ANK3: variants seen among roughly 807,000 people sequenced by gnomAD.
ANK3 encodes ankyrin 3.
Under a neutral mutation model 370.9 loss-of-function variants are expected in ANK3, and 57 were observed. That is an observed-to-expected ratio of 0.15 (90% CI 0.12 to 0.19). ANK3 has a LOEUF of 0.19. Among genes scored for constraint, ANK3 ranks in the 10% least tolerant of loss-of-function variants. The probability of loss-of-function intolerance (pLI) is 1.00; values close to 1 mark genes in which losing one functional copy is unlikely to be tolerated. For synonymous variants in ANK3, 1,929 were observed against 1,946.3 expected (o/e 0.99, Z 0.23); for missense variants, 4,439 against 5,302.1 (o/e 0.84, Z 5.06).
At chr10:60,131,838 T>G (rs1037211469) in intron 25 of ANK3, among the ~76,000 whole-genome samples, 16 of 152,130 alleles carry the variant, frequency 1.1e-4, no homozygotes, top group African/African-American at 3.4e-4. Context: ...GTGGTGGTGG[T>G]TCCAATTTCG....
intron 2 of ANK3, among the ~76,000 whole-genome samples, chr10:60,463,710 CAGG>C (rs1215038324): frequency 2.2e-5 from 3 of 134,470 alleles, no homozygotes; most frequent in East Asian, 2.5e-4. Context: ...AATAATTTTC[CAGG>C]AGATTTTTTT....
At chr10:60,594,549 C>T (rs1378381389) in intron 2 of ANK3, among the ~76,000 whole-genome samples, 1 of 151,942 alleles carries the variant, frequency 6.6e-6, no homozygotes, top group African/African-American at 2.4e-5. Flanking sequence ...TTAATGTTAA[C>T]TTACTATCAT....
intron 28 of ANK3, among the ~76,000 whole-genome samples, chr10:60,090,236 T>C (rs768666834): frequency 3.3e-5 from 5 of 152,030 alleles, no homozygotes; most frequent in Non-Finnish European, 7.4e-5. Flanking sequence ...GAGAATTACT[T>C]GAACCTGGGA....
intron 1 of ANK3, among the ~76,000 whole-genome samples, chr10:60,313,342 T>A (rs2046746728): frequency 6.6e-6 from 1 of 152,140 alleles, no homozygotes; most frequent in Non-Finnish European, 1.5e-5. Flanking sequence ...ATGAGAACCA[T>A]GTGAATGTAA....
intron 30 of ANK3, among the ~76,000 whole-genome samples, chr10:60,085,600 G>A (rs1340973224): frequency 1.4e-5 from 2 of 146,980 alleles, no homozygotes; most frequent in African/African-American, 5.0e-5. Flanking sequence ...GGATAATTAA[G>A]TCTCTTACTC....
intron 8 of ANK3, among the ~76,000 whole-genome samples, chr10:60,224,721 CAG>C (rs2097111035): frequency 6.6e-6 from 1 of 151,760 alleles, no homozygotes. Flanking sequence ...GGAATTCAAG[CAG>C]AGAGAACTCT....
chr10:60,060,106 T>G, intron 40 of ANK3: 2 of 857,786 alleles, frequency 2.3e-6, no homozygotes, highest in Non-Finnish European at 3.4e-6. Flanking sequence ...GAAAAATGTA[T>G]GATGAATTAC....
chr10:60,313,712 G>T (rs944979926), intron 1 of ANK3, among the ~76,000 whole-genome samples: 1 of 152,122 alleles, frequency 6.6e-6, no homozygotes, highest in Non-Finnish European at 1.5e-5. Flanking sequence ...AATATTTACA[G>T]AAATGTTTAG....
chr10:60,392,302 G>A (rs2063127970), upstream of ANK3, among the ~76,000 whole-genome samples: 1 of 152,110 alleles, frequency 6.6e-6, no homozygotes, highest in Non-Finnish European at 1.5e-5. Flanking sequence ...TTTATTCCTT[G>A]ACTAAAGTTT....
At chr10:60,460,047 A>G (rs1164867124) in intron 2 of ANK3, among the ~76,000 whole-genome samples, 1 of 151,522 alleles carries the variant, frequency 6.6e-6, no homozygotes, top group East Asian at 2.0e-4. Context: ...TTTGCCCTCT[A>G]ACATCTGAAA....
intron 2 of ANK3, among the ~76,000 whole-genome samples, chr10:60,496,153 T>C (rs549698186): frequency 6.6e-6 from 1 of 152,190 alleles, no homozygotes; most frequent in Non-Finnish European, 1.5e-5. Context: ...ATGATTTAGA[T>C]GTGGATACTA....
intron 1 of ANK3, among the ~76,000 whole-genome samples, chr10:60,327,951 T>C (rs2050286184): frequency 2.0e-5 from 3 of 152,118 alleles, no homozygotes; most frequent in Admixed American, 2.0e-4. Context: ...TGTGTGTAAA[T>C]GGAAGTTTGG....
intron 1 of ANK3, among the ~76,000 whole-genome samples, chr10:60,320,680 G>T (rs1044118272): frequency 1.9e-4 from 29 of 152,278 alleles, no homozygotes; most frequent in African/African-American, 7.0e-4. Flanking sequence ...ACAGAAATCT[G>T]AAGGGAACAC....
At chr10:60,591,542 C>T (rs545480851) in intron 2 of ANK3, among the ~76,000 whole-genome samples, 5 of 152,110 alleles carry the variant, frequency 3.3e-5, no homozygotes, top group African/African-American at 1.2e-4. Flanking sequence ...AAAAATTGAA[C>T]TACCATATGA....
intron 2 of ANK3, among the ~76,000 whole-genome samples, chr10:60,574,308 G>A (rs564677477): frequency 2.0e-5 from 3 of 152,262 alleles, no homozygotes; most frequent in African/African-American, 4.8e-5. Context: ...AGAGAGCCAC[G>A]TGGATTTTAC....
chr10:60,663,346 G>T (rs2078958617), intron 1 of ANK3, among the ~76,000 whole-genome samples: 1 of 152,144 alleles, frequency 6.6e-6, no homozygotes, highest in Non-Finnish European at 1.5e-5. Flanking sequence ...TAATAGAAAG[G>T]GTCCCCAAGC....
At chr10:60,222,464 C>G (rs2097077322) in intron 8 of ANK3, among the ~76,000 whole-genome samples, 1 of 150,950 alleles carries the variant, frequency 6.6e-6, no homozygotes, top group Non-Finnish European at 1.5e-5. Flanking sequence ...GGCATTTGTT[C>G]CACTTCACTC....
At chr10:60,416,260 G>C (rs1276173200) in intron 2 of ANK3, among the ~76,000 whole-genome samples, 1 of 152,114 alleles carries the variant, frequency 6.6e-6, no homozygotes, top group Admixed American at 6.5e-5. Flanking sequence ...CAGTAGCACA[G>C]ATGGATTGTT....
chr10:60,582,151 T>C (rs1480736306), intron 2 of ANK3, among the ~76,000 whole-genome samples: 1 of 152,054 alleles, frequency 6.6e-6, no homozygotes, highest in Non-Finnish European at 1.5e-5. Flanking sequence ...GGGATAGCAT[T>C]AGGAGAAATA....
Sources: gnomAD v4.1 joint callset for allele counts (sites outside exome capture counted in the v4.1 genomes callset) on GRCh38, gnomAD v4.1.1 for gene constraint, MANE v1.5 for transcripts, NCBI Gene and HGNC (gene_info 2026-07-23, HGNC 2026-07-21) for gene names.